The following RALGAPA1 variants were observed in gnomAD, a reference collection of about 807,000 sequenced individuals.
RALGAPA1 encodes ral GTPase-activating protein subunit alpha-1.
RALGAPA1 carries 52 observed loss-of-function variants against 269.6 expected under a neutral mutation model. That is an observed-to-expected ratio of 0.19 (90% CI 0.15 to 0.24). The LOEUF (loss-of-function observed/expected upper bound fraction) is 0.24. Ranked by LOEUF, RALGAPA1 falls within the 10% of genes least tolerant of loss-of-function variation. The probability of loss-of-function intolerance (pLI) is 1.00; values close to 1 mark genes in which losing one functional copy is unlikely to be tolerated. For synonymous variants in RALGAPA1, 817 were observed against 1,008.3 expected, an observed-to-expected ratio of 0.81 and a Z score of 3.60; for missense variants, 1,917 against 3,013.9, an observed-to-expected ratio of 0.64 and a Z score of 8.52.
chr14:35,751,642 G>A (rs1051315520), intron 8 of RALGAPA1, among the ~76,000 whole-genome samples: 1 of 151,894 alleles, frequency 6.6e-6, no homozygotes, highest in Non-Finnish European at 1.5e-5. Context: ...TTAGCCAGAT[G>A]TGGTGGTGCA....
chr14:35,725,201 A>C, intron 13 of RALGAPA1, 48 bp from the exon 14 acceptor site: 5 of 1,423,898 alleles, frequency 3.5e-6, no homozygotes, highest in Non-Finnish European at 4.7e-6. Context: ...ATATGTTTGC[A>C]TTTGGTTAAT....
In RALGAPA1 at chr14:35,805,078, G is replaced by A. The variant is rs547525946; in HGVS notation, c.106+3652C>T. On this transcript the variant is annotated intron_variant, in intron 1 of 41. Transcript: ENST00000680220. ...TGAGGCAGGCGGATCACGAGGTCGCGAGTTCAAGACCAGCCTGACCAACAT... is the reference window on the plus strand; with the variant it reads ...TGAGGCAGGCGGATCACGAGGTCGCAAGTTCAAGACCAGCCTGACCAACAT... Among the ~76,000 whole-genome samples, 16 of 151,720 alleles carry A rather than the reference G, an allele frequency of 1.1e-4. No individual in the cohort carries two copies. In the South Asian group the frequency reaches 1.5e-3, roughly 14 times the overall value.
chr14:35,698,194 ATTCCT>A (rs1350631892), intron 17 of RALGAPA1, among the ~76,000 whole-genome samples: 1 of 152,194 alleles, frequency 6.6e-6, no homozygotes, highest in Non-Finnish European at 1.5e-5. Context: ...CATTTAGAAA[ATTCCT>A]TTCCAACAGT....
chr14:35,660,623 A>C (rs750053272), intron 27 of RALGAPA1, among the ~76,000 whole-genome samples: 2 of 152,134 alleles, frequency 1.3e-5, no homozygotes, highest in Admixed American at 1.3e-4. Context: ...TGAAATTAGC[A>C]TGTCAAAGAG....
chr14:35,589,088 C>A (rs192657750), intron 37 of RALGAPA1, among the ~76,000 whole-genome samples: 1 of 152,282 alleles, frequency 6.6e-6, no homozygotes, highest in Non-Finnish European at 1.5e-5. Flanking sequence ...TAAGTCCTCA[C>A]AATGTCATCA....
At chr14:35,647,813 T>C (rs1399962939) in intron 31 of RALGAPA1, among the ~76,000 whole-genome samples, 1 of 150,800 alleles carries the variant, frequency 6.6e-6, no homozygotes, top group Non-Finnish European at 1.5e-5. Flanking sequence ...ATTAGCATAG[T>C]GGTGTGTGCT....
chr14:35,760,896 T>C lies in RALGAPA1; in HGVS notation c.480A>G (p.Ala160=), dbSNP rs2073641480. ...TTCGAGGTCCATGTTCAGACTGTGG[T>C]GCTGAAAATCCAGGGATTAAGCATG... The part of the protein sequence containing the change: ...MFSCLIPGFS[A]PQSEHGPRTL... Residue 160 remains alanine, a synonymous_variant, in exon 6 of 42, where the codon GCA becomes GCG. Transcript: ENST00000680220. 6.2e-7 allele frequency: 1 copy of C among 1,611,712 alleles called. No homozygotes were observed. The highest frequency in any genetic ancestry group is 8.5e-7 in the Non-Finnish European group (1 of 1,178,282).
chr14:35,761,110 G>A (rs1377138921), intron 5 of RALGAPA1, 104 bp from the exon 6 acceptor site: 4 of 782,452 alleles, frequency 5.1e-6, no homozygotes, highest in East Asian at 2.7e-5. Context: ...TGATACTTTC[G>A]AGAGGCAGGG....
In RALGAPA1 at chr14:35,561,226, CAAAAAAAAAAAAA is replaced by C. The variant is rs71124706; in HGVS notation, c.7496+9378_7496+9390del. ...TGGGGGAAACAGCAAAACTCTGTCT[CAAAAAAAAAAAAA>C]AAAAAAAAAAAAATACAGTAACATC... On this transcript the variant is annotated intron_variant, in intron 39 of 41. Coordinates refer to ENST00000680220, the MANE Select transcript of RALGAPA1 (RefSeq NM_001346249.2). 6.5e-4 allele frequency among the ~76,000 whole-genome samples: 24 copies of C among 36,782 alleles called. No individual in the cohort carries two copies. The Admixed American group carries it at 7.4e-3, about 11-fold the overall frequency. 24.1% of individuals were successfully genotyped at this position (36,782 alleles called of 152,430 possible). A position where few individuals can be genotyped will look rare whatever the true frequency, so the allele number is the denominator to read the frequency against.
At chr14:35,780,909 T>C (rs142787462) in intron 1 of RALGAPA1, among the ~76,000 whole-genome samples, 8 of 152,264 alleles carry the variant, frequency 5.3e-5, no homozygotes, top group Admixed American at 5.2e-4. Context: ...CCGGGCAACT[T>C]AGTGAGACTC....
chr14:35,553,876 A>G (rs2055268425), intron 39 of RALGAPA1, among the ~76,000 whole-genome samples: 3 of 152,196 alleles, frequency 2.0e-5, no homozygotes, highest in South Asian at 4.1e-4. Context: ...TCTGTGCTCA[A>G]TGGCATAGTC....
At chr14:35,780,029 C>A (rs1380220134) in intron 1 of RALGAPA1, among the ~76,000 whole-genome samples, 1 of 151,958 alleles carries the variant, frequency 6.6e-6, no homozygotes, top group Non-Finnish European at 1.5e-5. Flanking sequence ...ATCGCTTGAA[C>A]CCAGGAGGTG....
chr14:35,730,294 G>A (rs776208847), intron 12 of RALGAPA1, among the ~76,000 whole-genome samples: 1 of 152,164 alleles, frequency 6.6e-6, no homozygotes, highest in Non-Finnish European at 1.5e-5. Context: ...TCCTTTGGGA[G>A]GGTGGCCAGA....
At chr14:35,717,563 T>C (rs1448100044) in intron 16 of RALGAPA1, among the ~76,000 whole-genome samples, 1 of 152,084 alleles carries the variant, frequency 6.6e-6, no homozygotes, top group African/African-American at 2.4e-5. Context: ...TTCCAACTTA[T>C]TTTATTTTTT....
At chr14:35,628,323 G>T (rs963948815) in intron 33 of RALGAPA1, among the ~76,000 whole-genome samples, 1 of 152,142 alleles carries the variant, frequency 6.6e-6, no homozygotes, top group Admixed American at 6.5e-5. Flanking sequence ...GCTGAGGCGG[G>T]AGGATTGCTT....
At position 35,752,033 on chromosome 14, in the gene RALGAPA1, G is replaced by A. The variant is rs766447749; in HGVS notation, c.793C>T (p.Pro265Ser). Residue 265 changes from proline to serine, a missense_variant, in exon 8 of 42, where the codon CCT (proline) becomes TCT (serine). By Grantham distance (74) the Pro-to-Ser change is moderately conservative (BLOSUM62 -1). Transcript: ENST00000680220. ...NICKENSLYH[P>S]ILDIPQMRPK... ...TTCAAACATTACCTACCAAGTATAG[G>A]ATGATATAAACTGTTTTCCTTACAG... The A allele has an allele frequency of 3.8e-6, 6 of 1,580,240 alleles. No homozygotes were observed. Among genetic ancestry groups the A allele is most frequent in the East Asian group, 2.3e-5 (1 of 44,154 alleles).
chr14:35,766,325 A>C, intron 4 of RALGAPA1: 1 of 1,108,844 alleles, frequency 9.0e-7, no homozygotes, highest in Non-Finnish European at 1.4e-6. Flanking sequence ...ATCCTGTTAA[A>C]CCATTCATGA....
chr14:35,671,274 C>G, intron 26 of RALGAPA1, 115 bp downstream of exon 26: 1 of 807,848 alleles, frequency 1.2e-6, no homozygotes, highest in Non-Finnish European at 1.8e-6. Context: ...GAGAAGCAAT[C>G]AATTCCAATT....
intron 37 of RALGAPA1, among the ~76,000 whole-genome samples, chr14:35,590,091 G>A (rs2138903200): frequency 6.6e-6 from 1 of 152,288 alleles, no homozygotes; most frequent in South Asian, 2.1e-4. Flanking sequence ...AATGGTTTAT[G>A]TGAAGTTTTA....
Sources: allele counts gnomAD v4.1 joint callset (sites outside exome capture counted in the v4.1 genomes callset), GRCh38; gene constraint gnomAD v4.1.1; transcripts MANE v1.5; gene names NCBI Gene and HGNC (gene_info 2026-07-23, HGNC 2026-07-21).